CNTN4: variants seen among roughly 807,000 people sequenced by gnomAD.
The protein encoded by CNTN4 is contactin 4.
A neutral mutation model predicts 122.5 loss-of-function variants in CNTN4; 77 were observed. The observed-to-expected ratio is 0.63, with a 90% CI of 0.52 to 0.76. The LOEUF (loss-of-function observed/expected upper bound fraction) is 0.76. Ranked by LOEUF, CNTN4 falls within the 30% of genes least tolerant of loss-of-function variation. The probability of loss-of-function intolerance (pLI) is 0.00; values close to 1 mark genes in which losing one functional copy is unlikely to be tolerated. For synonymous variants in CNTN4, 512 were observed against 447.0 expected (o/e 1.15, Z -1.83); for missense variants, 1,256 against 1,259.1 (o/e 1.00, Z 0.04).
chr3:2,503,033 G>A (rs1405576494), intron 3 of CNTN4, among the ~76,000 whole-genome samples: 1 of 152,048 alleles, frequency 6.6e-6, no homozygotes, highest in Non-Finnish European at 1.5e-5. Flanking sequence ...TAGGTGATAG[G>A]TATACAAAAC....
intron 4 of CNTN4, among the ~76,000 whole-genome samples, chr3:2,611,313 G>C (rs6442741): frequency 2.6e-5 from 3 of 113,600 alleles, no homozygotes; most frequent in Admixed American, 1.0e-4. Flanking sequence ...AAAAAAAAAA[G>C]AAAGAAAGAA....
chr3:2,191,703 T>TACACACACACAC (rs71634777), intron 2 of CNTN4, among the ~76,000 whole-genome samples: 26 of 141,854 alleles, frequency 1.8e-4, no homozygotes, highest in East Asian at 4.1e-4. Context: ...TGTATATATA[T>TACACACACACAC]ATATATACAC....
chr3:2,122,639 A>C (rs2033876230), intron 2 of CNTN4, among the ~76,000 whole-genome samples: 1 of 152,202 alleles, frequency 6.6e-6, no homozygotes, highest in East Asian at 1.9e-4. Flanking sequence ...TTTTTGGTCA[A>C]AAATACTGTA....
chr3:2,842,403 A>G (rs1332629019), intron 7 of CNTN4, among the ~76,000 whole-genome samples: 1 of 152,178 alleles, frequency 6.6e-6, no homozygotes, highest in Non-Finnish European at 1.5e-5. Flanking sequence ...CACCCACTCA[A>G]GAACTTCACT....
At chr3:2,120,405 A>ATATATATATATATT (rs1428527983) in intron 2 of CNTN4, among the ~76,000 whole-genome samples, 2 of 40,880 alleles carry the variant, frequency 4.9e-5, no homozygotes, top group Non-Finnish European at 8.5e-5. Flanking sequence ...ATATATATAT[A>ATATATATATATATT]TTTTTTTTTT....
At chr3:2,470,128 G>A (rs1046035919) in intron 3 of CNTN4, among the ~76,000 whole-genome samples, 7 of 151,732 alleles carry the variant, frequency 4.6e-5, no homozygotes, top group Non-Finnish European at 7.4e-5. Context: ...TGCAGTGGCA[G>A]AATCTCAGCT....
chr3:2,333,307 T>G (rs1172335576), intron 2 of CNTN4, among the ~76,000 whole-genome samples: 1 of 152,224 alleles, frequency 6.6e-6, no homozygotes, highest in Non-Finnish European at 1.5e-5. Flanking sequence ...AAGGTGATGA[T>G]GCCTGTGTCA....
intron 2 of CNTN4, among the ~76,000 whole-genome samples, chr3:2,171,956 A>G (rs2036535226): frequency 6.6e-6 from 1 of 152,164 alleles, no homozygotes; most frequent in Non-Finnish European, 1.5e-5. Context: ...CTCAGACTTC[A>G]TTCCTGACCT....
rs1362899288 is a variant in CNTN4 at position 2,416,532 on chromosome 3, T to A, written c.-89+77299T>A. Among the ~76,000 whole-genome samples the A allele has an allele frequency of 9.8e-5, 15 of 152,346 alleles. No homozygotes were observed. In the East Asian group the frequency reaches 2.9e-3, roughly 29 times the overall value. On this transcript the variant is annotated intron_variant, in intron 3 of 24. Coordinates refer to ENST00000418658, the MANE Select transcript of CNTN4 (RefSeq NM_175607.3). ...CCCCAAAATGGAATATTGAGCTTCA[T>A]TAGTGGATATTACATTTGTTGACTC...
chr3:2,208,907 G>T (rs1333846548), intron 2 of CNTN4, among the ~76,000 whole-genome samples: 3 of 152,092 alleles, frequency 2.0e-5, no homozygotes, highest in East Asian at 3.8e-4. Flanking sequence ...TAGACATACT[G>T]CTAAAAAACA....
At chr3:3,034,584 G>C (rs1417359757) in intron 16 of CNTN4, 48 bp from the exon 17 acceptor site, 11 of 1,592,496 alleles carry the variant, frequency 6.9e-6, no homozygotes, top group Non-Finnish European at 9.5e-6. Context: ...CCTTTACTTG[G>C]GTGTTTGAAT....
At chr3:2,666,431 A>G (rs533644035) in intron 4 of CNTN4, among the ~76,000 whole-genome samples, 1 of 152,264 alleles carries the variant, frequency 6.6e-6, no homozygotes, top group South Asian at 2.1e-4. Flanking sequence ...CAGGGAAAAA[A>G]CATTTTCCTT....
At chr3:3,018,304 T>G (rs556533699) in intron 14 of CNTN4, among the ~76,000 whole-genome samples, 18 of 152,364 alleles carry the variant, frequency 1.2e-4, no homozygotes, top group African/African-American at 4.1e-4. Context: ...TTATTCATTC[T>G]TCTTTTTATA....
rs1031237734 is a variant in CNTN4 at position 2,988,791 on chromosome 3, T to G, written c.1486+319T>G. The G allele has an allele frequency of 9.3e-6, 3 of 321,746 alleles. No individual in the cohort carries two copies. The Admixed American group carries it at 1.3e-4, about 14-fold the overall frequency. 19.9% of individuals were successfully genotyped at this position (321,746 alleles called of 1,614,324 possible). ...TTTCAAGTCTCTATAGATTTGAAAT[T>G]CATGTCTAGGAACACTATTCCAACA... is the stretch of plus-strand genomic sequence containing the variant. On this transcript the variant is annotated intron_variant, in intron 14 of 24. Transcript: ENST00000418658.
intron 3 of CNTN4, among the ~76,000 whole-genome samples, chr3:2,528,115 G>A (rs2077468503): frequency 6.6e-6 from 1 of 152,066 alleles, no homozygotes; most frequent in African/African-American, 2.4e-5. Context: ...TGATGTCAAG[G>A]CCTCCTCTTG....
At chr3:2,307,166 T>C (rs1221941191) in intron 2 of CNTN4, among the ~76,000 whole-genome samples, 1 of 152,220 alleles carries the variant, frequency 6.6e-6, no homozygotes, top group Non-Finnish European at 1.5e-5. Flanking sequence ...CCGGGCGCAG[T>C]GGCTCACGCC....
At chr3:2,316,171 A>G (rs2043090951) in intron 2 of CNTN4, among the ~76,000 whole-genome samples, 1 of 152,146 alleles carries the variant, frequency 6.6e-6, no homozygotes, top group African/African-American at 2.4e-5. Flanking sequence ...AAATGAACAA[A>G]TTAATAAATG....
intron 13 of CNTN4, among the ~76,000 whole-genome samples, chr3:2,980,018 G>C (rs1163731132): frequency 6.6e-6 from 1 of 152,174 alleles, no homozygotes; most frequent in Non-Finnish European, 1.5e-5. Flanking sequence ...GAAAAGATCA[G>C]CATTTTTAAA....
At chr3:2,950,123 A>G (rs1307282457) in intron 13 of CNTN4, among the ~76,000 whole-genome samples, 1 of 152,210 alleles carries the variant, frequency 6.6e-6, no homozygotes, top group African/African-American at 2.4e-5. Context: ...GAACATGTGG[A>G]CTTGCAGAGA....
Sources: allele counts gnomAD v4.1 joint callset (sites outside exome capture counted in the v4.1 genomes callset), GRCh38; gene constraint gnomAD v4.1.1; transcripts MANE v1.5; gene names NCBI Gene and HGNC (gene_info 2026-07-23, HGNC 2026-07-21).